MTA3: variants seen among roughly 807,000 people sequenced by gnomAD.
MTA3 encodes metastasis associated 1 family member 3.
Under a neutral mutation model 83.5 loss-of-function variants are expected in MTA3, and 34 were observed. That is an observed-to-expected ratio of 0.41 (90% CI 0.31 to 0.54). MTA3 has a LOEUF of 0.54. Among genes scored for constraint, MTA3 ranks in the 20% least tolerant of loss-of-function variants. MTA3 has a pLI of 0.33. For missense variants in MTA3, 761 were observed against 726.4 expected (o/e 1.05, Z -0.55); for synonymous variants, 303 against 252.7 (o/e 1.20, Z -1.89).
chr2:42,649,284 C>T lies in MTA3; in HGVS notation c.499+5040C>T, dbSNP rs1688488215. On this transcript the variant is annotated intron_variant, in intron 6 of 16. Coordinates refer to ENST00000405094, the MANE Select transcript of MTA3 (RefSeq NM_001330442.2). ...TGGTGGCGGGTGCCTGTAATCTCAG[C>T]TACTCGGGAGGCTGAGGCAGGAGAA... Among the ~76,000 whole-genome samples, 4 of 152,026 alleles carry T rather than the reference C, an allele frequency of 2.6e-5. No individual in the cohort carries two copies. The South Asian group carries it at 8.3e-4, about 31-fold the overall frequency.
chr2:42,656,890 T>G (rs1310263751), intron 7 of MTA3, among the ~76,000 whole-genome samples: 1 of 152,222 alleles, frequency 6.6e-6, no homozygotes, highest in East Asian at 1.9e-4. Flanking sequence ...AGTGAAATAT[T>G]ATTTTATGGC....
intron 2 of MTA3, among the ~76,000 whole-genome samples, chr2:42,543,057 T>A (rs1351433005): frequency 1.3e-5 from 2 of 151,970 alleles, no homozygotes; most frequent in Non-Finnish European, 2.9e-5. Flanking sequence ...TCAGGACAAA[T>A]TCTTAGGACA....
intron 2 of MTA3, among the ~76,000 whole-genome samples, chr2:42,528,279 G>A (rs953595832): frequency 1.3e-4 from 19 of 150,326 alleles, no homozygotes; most frequent in African/African-American, 4.4e-4. Context: ...GGAGTGCGGT[G>A]GCGTGATCTC....
At chr2:42,609,292 A>T (rs1417997542) in intron 3 of MTA3, among the ~76,000 whole-genome samples, 166 bp from the exon 4 acceptor site, 1 of 152,114 alleles carries the variant, frequency 6.6e-6, no homozygotes, top group Non-Finnish European at 1.5e-5. Context: ...CAGCTTCCCA[A>T]AATGCTTAGG....
intron 15 of MTA3, among the ~76,000 whole-genome samples, chr2:42,720,167 A>ATTTT (rs1667299765): frequency 1.3e-5 from 2 of 150,246 alleles, no homozygotes; most frequent in African/African-American, 4.9e-5. Flanking sequence ...TTATTTATTT[A>ATTTT]TTTATTTATT....
Position 42,726,718 on chromosome 2 carries a change from T to G in MTA3, c.1759+3683T>G, listed in dbSNP as rs374432041. 1.4e-3 allele frequency among the ~76,000 whole-genome samples: 215 copies of G among 152,356 alleles called. 2 individuals carry two copies. Among genetic ancestry groups the G allele is most frequent in the African/African-American group, 4.9e-3 (202 of 41,584 alleles). ...TTAGAAAAAAAAGATGGACAGCTTC[T>G]TATTTCCTCCCTGAAAATCACGGTC... On this transcript the variant is annotated intron_variant, in intron 16 of 16. Coordinates refer to ENST00000405094, the MANE Select transcript of MTA3 (RefSeq NM_001330442.2).
chr2:42,573,118 A>G (rs1573014078), intron 2 of MTA3, among the ~76,000 whole-genome samples: 1 of 152,028 alleles, frequency 6.6e-6, no homozygotes, highest in Non-Finnish European at 1.5e-5. Context: ...TTTTCTAATG[A>G]TGCTTTGTTT....
At chr2:42,644,577 C>T (rs1387633273) in intron 6 of MTA3, among the ~76,000 whole-genome samples, 1 of 152,070 alleles carries the variant, frequency 6.6e-6, no homozygotes, top group Admixed American at 6.6e-5. Flanking sequence ...GTTTTTACTG[C>T]ACTTCATATA....
At chr2:42,511,806 C>T (rs1396469562) in intron 2 of MTA3, 1 of 152,212 alleles carries the variant, frequency 6.6e-6, no homozygotes, top group Non-Finnish European at 1.5e-5. Flanking sequence ...ATCACAACGT[C>T]AGGAGATTGA....
Position 42,756,453 on chromosome 2 carries a change from G to T in MTA3, c.*3054G>T. 1.0e-6 allele frequency: 1 copy of T among 985,392 alleles called. No individual in the cohort carries two copies. The highest frequency in any genetic ancestry group is 1.2e-6 in the Non-Finnish European group (1 of 829,874). The allele number at this position is 985,392 out of a possible 1,614,324, so 61.0% of individuals were successfully genotyped here. A position where few individuals can be genotyped will look rare whatever the true frequency, so the allele number is the denominator to read the frequency against. On this transcript the variant is annotated 3_prime_UTR_variant, in exon 17 of 17. Coordinates refer to ENST00000405094, the MANE Select transcript of MTA3 (RefSeq NM_001330442.2). The stretch of plus-strand genomic sequence containing the variant: ...CCTGCCACTCAGAGCAGAGCAGGGG[G>T]CTGAGGGCAAGCAGGTGGGGCTGTG...
intron 4 of MTA3, among the ~76,000 whole-genome samples, chr2:42,625,590 C>CA (rs1685993596): frequency 6.7e-6 from 1 of 149,580 alleles, no homozygotes; most frequent in Non-Finnish European, 1.5e-5. Flanking sequence ...ACTAAAAATA[C>CA]AAAAAAATTA....
chr2:42,579,155 C>G lies in MTA3; in HGVS notation c.145C>G (p.Arg49Gly). The G allele has an allele frequency of 6.2e-7, 1 of 1,607,672 alleles. No homozygotes were observed. Among genetic ancestry groups the G allele is most frequent in the Non-Finnish European group, 8.5e-7 (1 of 1,177,236 alleles). The change falls in exon 3 of 17, where the codon CGT (arginine) becomes GGT (glycine). Residue 49 changes from arginine (R) to glycine (G), a missense_variant. Transcript: ENST00000405094. ...AAAAGTAGTATGCTTTTATAGACGA[C>G]GTGATATTTCCAACACACTTATAAT... ...EAKVVCFYRRRDISNTLIMLA... is the reference protein window; with the variant it reads ...EAKVVCFYRRGDISNTLIMLA...
chr2:42,525,106 C>T (rs931465045), intron 2 of MTA3, among the ~76,000 whole-genome samples: 2 of 145,400 alleles, frequency 1.4e-5, no homozygotes, highest in African/African-American at 2.5e-5. Context: ...TATCCCTCCC[C>T]CCTCCCCCAC....
chr2:42,512,039 A>C (rs1674929102), intron 2 of MTA3, among the ~76,000 whole-genome samples: 1 of 151,418 alleles, frequency 6.6e-6, no homozygotes, highest in African/African-American at 2.4e-5. Flanking sequence ...TAAATAAATA[A>C]AATAAAATAA....
At chr2:42,739,616 A>G (rs998751716) in intron 16 of MTA3, among the ~76,000 whole-genome samples, 3 of 152,216 alleles carry the variant, frequency 2.0e-5, no homozygotes, top group African/African-American at 7.2e-5. Context: ...GACATTTGCT[A>G]CATCAGTGGA....
At chr2:42,671,724 A>G (rs753247230) in intron 8 of MTA3, among the ~76,000 whole-genome samples, 1 of 152,060 alleles carries the variant, frequency 6.6e-6, no homozygotes, top group Non-Finnish European at 1.5e-5. Context: ...TGGCTCATCT[A>G]CCTATTTTAA....
intron 15 of MTA3, among the ~76,000 whole-genome samples, chr2:42,722,299 T>A (rs553806131): frequency 1.3e-5 from 2 of 152,346 alleles, no homozygotes; most frequent in African/African-American, 4.8e-5. Flanking sequence ...ATTATGGTTT[T>A]GTGATATATC....
intron 8 of MTA3, among the ~76,000 whole-genome samples, chr2:42,663,270 A>G (rs890244496): frequency 2.6e-5 from 4 of 152,142 alleles, no homozygotes; most frequent in Non-Finnish European, 5.9e-5. Flanking sequence ...TGCCTGAGGT[A>G]GAGAGGGCCT....
intron 11 of MTA3, among the ~76,000 whole-genome samples, chr2:42,702,075 G>T (rs1665627294): frequency 6.6e-6 from 1 of 151,964 alleles, no homozygotes; most frequent in South Asian, 2.1e-4. Context: ...GGCAGGCGTG[G>T]TGGCAGGCAC....
Sources: gnomAD v4.1 joint callset for allele counts (sites outside exome capture counted in the v4.1 genomes callset) on GRCh38, gnomAD v4.1.1 for gene constraint, MANE v1.5 for transcripts, NCBI Gene and HGNC (gene_info 2026-07-23, HGNC 2026-07-21) for gene names.